CTNNA2: variants seen among roughly 807,000 people sequenced by gnomAD.
CTNNA2 encodes catenin alpha-2.
A neutral mutation model predicts 101.0 loss-of-function variants in CTNNA2; 42 were observed. The ratio of observed to expected loss-of-function variants is 0.42; its 90% CI spans 0.32 to 0.54. The LOEUF is 0.54. Ranked by LOEUF, CTNNA2 falls within the 20% of genes least tolerant of loss-of-function variation. CTNNA2 has a pLI of 0.14. For synonymous variants in CTNNA2, 450 were observed against 456.4 expected (o/e 0.99, Z 0.18); for missense variants, 871 against 1,223.1 (o/e 0.71, Z 4.29).
intron 7 of CTNNA2, among the ~76,000 whole-genome samples, chr2:80,265,182 C>T (rs1315541843): frequency 6.6e-6 from 1 of 152,006 alleles, no homozygotes; most frequent in Non-Finnish European, 1.5e-5. Flanking sequence ...ACCATGTTGG[C>T]CAGACTGGTC....
chr2:80,447,083 CT>C (rs1286392289), intron 9 of CTNNA2, among the ~76,000 whole-genome samples: 1 of 152,068 alleles, frequency 6.6e-6, no homozygotes, highest in Non-Finnish European at 1.5e-5. Flanking sequence ...ATAGGTAGAA[CT>C]TAAGTGTTAC....
chr2:80,115,454 C>T (rs1701458678), intron 7 of CTNNA2, among the ~76,000 whole-genome samples: 1 of 152,204 alleles, frequency 6.6e-6, no homozygotes, highest in African/African-American at 2.4e-5. Flanking sequence ...GAAGATTGGG[C>T]TCTCAAGGAG....
chr2:79,250,836 C>T (rs903771705), intron 2 of CTNNA2, among the ~76,000 whole-genome samples: 4 of 152,186 alleles, frequency 2.6e-5, no homozygotes, highest in Non-Finnish European at 5.9e-5. Context: ...TTCTCTCTCA[C>T]TTGGCTCAAC....
chr2:80,231,313 A>G (rs1709197267), intron 7 of CTNNA2, among the ~76,000 whole-genome samples: 1 of 152,044 alleles, frequency 6.6e-6, no homozygotes, highest in Non-Finnish European at 1.5e-5. Context: ...ATCCATTCTG[A>G]TCATCCAGCT....
intron 16 of CTNNA2, among the ~76,000 whole-genome samples, chr2:80,606,622 G>C (rs767291613): frequency 2.0e-4 from 31 of 151,800 alleles, no homozygotes; most frequent in Non-Finnish European, 2.9e-4. Flanking sequence ...CATGATTTAG[G>C]AGTTATTTTC....
Position 80,238,938 on chromosome 2 carries a change from C to A in CTNNA2, c.1057-154273C>A, listed in dbSNP as rs75993304. Among the ~76,000 whole-genome samples, 675 of 152,222 alleles carry A rather than the reference C, an allele frequency of 4.4e-3. 3 individuals are homozygous for A. The highest frequency in any genetic ancestry group is 0.015 in the African/African-American group (636 of 41,514). On this transcript the variant is annotated intron_variant, in intron 7 of 18. Coordinates refer to ENST00000402739, the MANE Select transcript of CTNNA2 (RefSeq NM_001282597.3). ...TGTCGGCTGGGAGGCTTAATATAGTCCGTATTCACAATAGAAGCTAATTGT... is the reference window on the plus strand; with the variant it reads ...TGTCGGCTGGGAGGCTTAATATAGTACGTATTCACAATAGAAGCTAATTGT...
chr2:79,679,592 C>G lies in CTNNA2; in HGVS notation c.102+27934C>G, dbSNP rs75646538. Among the ~76,000 whole-genome samples the G allele has an allele frequency of 9.2e-4, 140 of 152,222 alleles. 4 individuals are homozygous for G. The East Asian group carries it at 0.026, about 28-fold the overall frequency. ...GGAGCCCCTTTCCCATCTCTGTGGT[C>G]CTGGCCTTCTGTTTCTGTTCCATGG... On this transcript the variant is annotated intron_variant, in intron 2 of 18. Transcript: ENST00000402739.
intron 18 of CTNNA2, among the ~76,000 whole-genome samples, chr2:80,643,613 G>A (rs1673724575): frequency 6.6e-6 from 1 of 152,170 alleles, no homozygotes; most frequent in South Asian, 2.1e-4. Flanking sequence ...TGTAATTCAG[G>A]TCAGCTTGAG....
intron 7 of CTNNA2, among the ~76,000 whole-genome samples, chr2:80,331,393 C>G (rs1671320070): frequency 6.6e-6 from 1 of 152,172 alleles, no homozygotes; most frequent in Non-Finnish European, 1.5e-5. Context: ...TGTTTGACAT[C>G]TAGTTCAACA....
At chr2:80,475,536 T>G (rs1223339753) in intron 9 of CTNNA2, among the ~76,000 whole-genome samples, 2 of 152,152 alleles carry the variant, frequency 1.3e-5, no homozygotes, top group Non-Finnish European at 2.9e-5. Context: ...TAAATATCCC[T>G]TGTGTGGGCA....
intron 4 of CTNNA2, among the ~76,000 whole-genome samples, chr2:79,416,936 G>A (rs1573156391): frequency 6.6e-6 from 1 of 152,000 alleles, no homozygotes; most frequent in Non-Finnish European, 1.5e-5. Flanking sequence ...TGGCACATTA[G>A]CAAACATGCT....
chr2:79,732,886 GAGAAA>G (rs550676268), intron 2 of CTNNA2, among the ~76,000 whole-genome samples: 1 of 152,046 alleles, frequency 6.6e-6, no homozygotes, highest in East Asian at 1.9e-4. Flanking sequence ...TGCCAGTTGG[GAGAAA>G]ACAAAAAACA....
At chr2:80,011,255 G>A (rs1243932371) in intron 7 of CTNNA2, among the ~76,000 whole-genome samples, 2 of 152,186 alleles carry the variant, frequency 1.3e-5, no homozygotes, top group African/African-American at 4.8e-5. Flanking sequence ...CAGAGGCAGA[G>A]CTTGGTAAAA....
chr2:80,177,149 G>A (rs1470834233), intron 7 of CTNNA2, among the ~76,000 whole-genome samples: 1 of 152,140 alleles, frequency 6.6e-6, no homozygotes, highest in African/African-American at 2.4e-5. Context: ...TGAGACCAGT[G>A]GGTTTCATGA....
Position 80,555,741 on chromosome 2 carries a change from A to C in CTNNA2, c.1589A>C (p.Glu530Ala). 1 of 1,580,220 alleles carries C rather than the reference A, an allele frequency of 6.3e-7. No homozygotes were observed. The highest frequency in any genetic ancestry group is 8.6e-7 in the Non-Finnish European group (1 of 1,162,996). The change falls in exon 12 of 19, where the codon GAG becomes GCG. Residue 530 changes from glutamate (E) to alanine (A), a missense_variant. By Grantham distance (107) the Glu-to-Ala change is moderately radical. Coordinates refer to ENST00000402739, the MANE Select transcript of CTNNA2 (RefSeq NM_001282597.3). ...AACAAGTGTGTGATAGCCCTCCAAG[A>C]GGGCGATGTGGACACTCTGGACCGG... The part of the protein sequence containing the change: ...DVNKCVIALQ[E>A]GDVDTLDRTA...
At chr2:80,591,051 A>G (rs746732665) in intron 15 of CTNNA2, among the ~76,000 whole-genome samples, 2 of 152,204 alleles carry the variant, frequency 1.3e-5, no homozygotes, top group African/African-American at 2.4e-5. Flanking sequence ...TAAAGTGAAT[A>G]ATGACTCTGG....
intron 3 of CTNNA2, among the ~76,000 whole-genome samples, chr2:79,788,126 A>G (rs779206960): frequency 5.9e-5 from 9 of 152,180 alleles, no homozygotes; most frequent in Non-Finnish European, 1.3e-4. Context: ...TTTTGTGCCA[A>G]GGAGTTTGGA....
At chr2:80,338,289 T>A (rs994658826) in intron 7 of CTNNA2, among the ~76,000 whole-genome samples, 34 of 139,020 alleles carry the variant, frequency 2.4e-4, no homozygotes, top group African/African-American at 8.8e-4. Flanking sequence ...GCACCTGGCC[T>A]TTTTTTCTTT....
intron 7 of CTNNA2, among the ~76,000 whole-genome samples, chr2:80,205,991 C>G (rs1294853211): frequency 6.6e-6 from 1 of 152,112 alleles, no homozygotes; most frequent in East Asian, 1.9e-4. Flanking sequence ...TTAGATATAG[C>G]CTTTCACATT....
Sources: gnomAD v4.1 joint callset for allele counts (sites outside exome capture counted in the v4.1 genomes callset) on GRCh38, gnomAD v4.1.1 for gene constraint, MANE v1.5 for transcripts, NCBI Gene and HGNC (gene_info 2026-07-23, HGNC 2026-07-21) for gene names.